MEI1: variants seen among roughly 807,000 people sequenced by gnomAD.
MEI1 encodes meiotic double-stranded break formation protein 1, also known as meiosis inhibitor protein 1.
Under a neutral mutation model 146.2 loss-of-function variants are expected in MEI1, and 103 were observed. That is an observed-to-expected ratio of 0.70 (90% CI 0.60 to 0.83). MEI1 has a LOEUF of 0.83. Among genes scored for constraint, MEI1 ranks in the 40% least tolerant of loss-of-function variants. The probability of loss-of-function intolerance (pLI) is 0.00; values close to 1 mark genes in which losing one functional copy is unlikely to be tolerated. For missense variants in MEI1, 1,529 were observed against 1,533.0 expected (o/e 1.00, Z 0.04); for synonymous variants, 652 against 628.2 (o/e 1.04, Z -0.57).
At chr22:41,700,752 T>A (rs113870936) in intron 1 of MEI1, among the ~76,000 whole-genome samples, 332 of 15,350 alleles carry the variant, frequency 0.022, 4 homozygotes, top group Middle Eastern at 0.042. Flanking sequence ...GTTCTCAATT[T>A]TTTTTTTTTT....
Position 41,793,734 on chromosome 22 carries a change from C to G in MEI1, c.3346-95C>G, listed in dbSNP as rs139532499. On this transcript the variant is annotated intron_variant, in intron 26 of 30. Coordinates refer to ENST00000401548, the MANE Select transcript of MEI1 (RefSeq NM_152513.4). Reference sequence around the variant, plus strand: ...AATCCCAAATCTGAAATTCTGAAATCCAAGTAACTCTGAAAACCAAATGTT... The same window carrying G: ...AATCCCAAATCTGAAATTCTGAAATGCAAGTAACTCTGAAAACCAAATGTT... The G allele has an allele frequency of 1.9e-4, 210 of 1,087,430 alleles. No homozygotes were observed. The African/African-American group carries it at 3.0e-3, about 16-fold the overall frequency. 67.4% of individuals were successfully genotyped at this position (1,087,430 alleles called of 1,614,324 possible). A position where few individuals can be genotyped will look rare whatever the true frequency, so the allele number is the denominator to read the frequency against.
At position 41,781,296 on chromosome 22, in the gene MEI1, G is replaced by A. The variant is rs766933365; in HGVS notation, c.2828G>A (p.Cys943Tyr). The change falls in exon 23 of 31, where the codon TGT becomes TAT. Residue 943 changes from cysteine to tyrosine, a missense_variant. Physicochemically the swap from Cys to Tyr is radical, Grantham distance 194. Coordinates refer to ENST00000401548, the MANE Select transcript of MEI1 (RefSeq NM_152513.4). ...MKLLHQVSKL[C>Y]GKCSPTDVDI... ...TCATCTCTTGCAGTAAGCAAGCTGT[G>A]TGGGAAGTGCAGCCCCACTGACGTG... 21 of 1,611,856 alleles carry A rather than the reference G, an allele frequency of 1.3e-5. No individual in the cohort carries two copies. The highest frequency in any genetic ancestry group is 1.7e-5 in the Non-Finnish European group (20 of 1,179,166).
At chr22:41,794,541 C>A in intron 28 of MEI1, 64 bp downstream of exon 28, 1 of 1,335,524 alleles carries the variant, frequency 7.5e-7, no homozygotes, top group Non-Finnish European at 1.1e-6. Flanking sequence ...GCTGAAGAGG[C>A]CAGGGTCTCC....
chr22:41,767,552 T>C, intron 19 of MEI1: 3 of 455,992 alleles, frequency 6.6e-6, no homozygotes, highest in Non-Finnish European at 1.3e-5. Flanking sequence ...GCCTTACTTA[T>C]GCCTGGAAAC....
Position 41,723,938 on chromosome 22 carries a change from C to T in MEI1, c.734-5C>T, listed in dbSNP as rs1461982906. On this transcript the variant is annotated splice_region_variant and splice_polypyrimidine_tract_variant and intron_variant, in intron 6 of 30. Coordinates refer to ENST00000401548, the MANE Select transcript of MEI1 (RefSeq NM_152513.4). ...GCCTTACTTCCCAATCCCTTTGTTT[C>T]CTAGGTTTGCTGAGGCAGCTGTTGA... 2 of 1,590,566 alleles carry T rather than the reference C, an allele frequency of 1.3e-6. No homozygotes were observed. The highest frequency in any genetic ancestry group is 1.8e-5 in the Admixed American group (1 of 55,438).
At chr22:41,771,700 T>C (rs2075192301) in intron 20 of MEI1, among the ~76,000 whole-genome samples, 1 of 152,054 alleles carries the variant, frequency 6.6e-6, no homozygotes, top group Non-Finnish European at 1.5e-5. Flanking sequence ...CATCAGGAAT[T>C]AGATGGGCTA....
chr22:41,766,402 C>CCTT (rs1237436715), intron 19 of MEI1, among the ~76,000 whole-genome samples: 2 of 146,086 alleles, frequency 1.4e-5, no homozygotes, highest in East Asian at 4.1e-4. Context: ...GAACTCCTGA[C>CCTT]CTTCTGATCC....
chr22:41,773,693 G>A (rs1385231898), intron 20 of MEI1, among the ~76,000 whole-genome samples: 1 of 152,012 alleles, frequency 6.6e-6, no homozygotes, highest in Non-Finnish European at 1.5e-5. Context: ...GGTCAACATG[G>A]TGAAACCCTG....
chr22:41,715,709 T>A (rs867149865), intron 4 of MEI1, among the ~76,000 whole-genome samples: 2 of 152,156 alleles, frequency 1.3e-5, no homozygotes, highest in Non-Finnish European at 2.9e-5. Flanking sequence ...TAATTTTTTT[T>A]TTTTGCATCG....
chr22:41,733,571 T>C (rs1173602126), intron 11 of MEI1, among the ~76,000 whole-genome samples: 1 of 146,696 alleles, frequency 6.8e-6, no homozygotes, highest in Non-Finnish European at 1.5e-5. Context: ...GCCTGGCCAA[T>C]GTAGTAAAAT....
At chr22:41,731,310 C>A (rs1470748297) in intron 9 of MEI1, among the ~76,000 whole-genome samples, 1 of 152,256 alleles carries the variant, frequency 6.6e-6, no homozygotes, top group East Asian at 1.9e-4. Flanking sequence ...ACCTTGGCCT[C>A]CCAAAGTGCT....
Position 41,744,337 on chromosome 22 carries a change from A to AT in MEI1, c.1447-628dup, listed in dbSNP as rs1227047426. Among the ~76,000 whole-genome samples the AT allele has an allele frequency of 7.3e-5, 11 of 151,016 alleles. No individual in the cohort carries two copies. In the South Asian group the frequency reaches 1.7e-3, roughly 23 times the overall value. ...AGGTGCCCGCCACCATGCCTGGCTA[A>AT]TTTTTTTTGTATTTTTAGTAGAGAC... is the stretch of plus-strand genomic sequence containing the variant. On this transcript the variant is annotated intron_variant, in intron 12 of 30. Coordinates refer to ENST00000401548, the MANE Select transcript of MEI1 (RefSeq NM_152513.4).
chr22:41,764,743 A>G (rs1466308831), intron 19 of MEI1, among the ~76,000 whole-genome samples: 3 of 152,194 alleles, frequency 2.0e-5, no homozygotes, highest in African/African-American at 7.2e-5. Context: ...ATTAACAATG[A>G]TCTGAGTCCC....
Position 41,795,271 on chromosome 22 carries a change from C to T in MEI1, c.3535-140C>T, listed in dbSNP as rs2076321547. ...CCCATGACACAGTCCCACCTCTGCC[C>T]ACTAACTCTGAGCTCCTTGAAGGCA... On this transcript the variant is annotated intron_variant, in intron 28 of 30. Coordinates refer to ENST00000401548, the MANE Select transcript of MEI1 (RefSeq NM_152513.4). This position sits in a 1 kb window ranked among gnomAD's most constrained non-coding sequence, Gnocchi z 4.2. The T allele has an allele frequency of 1.8e-6, 2 of 1,140,246 alleles. No homozygotes were observed. Among genetic ancestry groups the T allele is most frequent in the Admixed American group, 2.3e-5 (1 of 43,686 alleles). The allele number at this position is 1,140,246 out of a possible 1,614,324, so 70.6% of individuals were successfully genotyped here.
At chr22:41,707,053 A>C (rs1349936427) in intron 3 of MEI1, among the ~76,000 whole-genome samples, 2 of 114,322 alleles carry the variant, frequency 1.7e-5, no homozygotes, top group Middle Eastern at 0.01. Flanking sequence ...AAAAAAAAAA[A>C]TTAGCCGGGC....
At chr22:41,705,422 C>T (rs959502470) in intron 2 of MEI1, 82 bp from the exon 3 acceptor site, 28 of 1,170,154 alleles carry the variant, frequency 2.4e-5, no homozygotes, top group Non-Finnish European at 2.8e-5. Flanking sequence ...TCTGCCACCT[C>T]GGCCTCCCAA....
At position 41,707,785 on chromosome 22, in the gene MEI1, T is replaced by C. The variant is rs372754004; in HGVS notation, c.349+2231T>C. ...CCCTTCTTCCTATAGCCTTGCCATC[T>C]CTTTCTAGTGCTCATTATTGGCAGA... On this transcript the variant is annotated intron_variant, in intron 3 of 30. Transcript: ENST00000401548. Among the ~76,000 whole-genome samples the C allele has an allele frequency of 5.9e-5, 9 of 152,344 alleles. No homozygotes were observed. In the East Asian group the frequency reaches 1.7e-3, roughly 29 times the overall value.
At position 41,700,749 on chromosome 22, in the gene MEI1, A is replaced by AT. The variant is rs78862314; in HGVS notation, c.174+1063dup. 5.0e-3 allele frequency among the ~76,000 whole-genome samples: 592 copies of AT among 117,574 alleles called. 21 individuals carry two copies. Among genetic ancestry groups the AT allele is most frequent in the African/African-American group, 0.014 (374 of 26,264 alleles). The allele number at this position is 117,574 out of a possible 152,430, so 77.1% of individuals were successfully genotyped here. The stretch of plus-strand genomic sequence containing the variant: ...GGATTGGCTAGATCAGCAGTTCTCA[A>AT]TTTTTTTTTTTTTTTTTTTTTTTTT... On this transcript the variant is annotated intron_variant, in intron 1 of 30. Transcript: ENST00000401548.
At chr22:41,768,379 AC>A (rs2074983778) in intron 19 of MEI1, among the ~76,000 whole-genome samples, 1 of 120,700 alleles carries the variant, frequency 8.3e-6, no homozygotes, top group Non-Finnish European at 1.7e-5. Flanking sequence ...ACATAGTGAG[AC>A]CCTGTCTCCC....
Sources: allele counts gnomAD v4.1 joint callset (sites outside exome capture counted in the v4.1 genomes callset), GRCh38; gene constraint gnomAD v4.1.1; non-coding constraint Gnocchi (gnomAD v3.1); transcripts MANE v1.5; gene names NCBI Gene and HGNC (gene_info 2026-07-23, HGNC 2026-07-21).